EFNB3: variants seen among roughly 807,000 people sequenced by gnomAD.
EFNB3 encodes the protein ephrin-B3.
EFNB3 carries 14 observed loss-of-function variants against 29.8 expected under a neutral mutation model. The observed-to-expected ratio is 0.47, with a 90% confidence interval of 0.31 to 0.73. EFNB3 has a LOEUF of 0.73. Ranked by LOEUF, EFNB3 falls within the 30% of genes least tolerant of loss-of-function variation. The pLI, the probability that EFNB3 is intolerant of heterozygous loss-of-function variation, is 0.05. For synonymous variants in EFNB3, 216 were observed against 191.6 expected (o/e 1.13, Z -1.05); for missense variants, 408 against 458.0 (o/e 0.89, Z 1.00).
intron 1 of EFNB3, among the ~76,000 whole-genome samples, chr17:7,707,395 G>A (rs889787025): frequency 1.1e-4 from 16 of 152,292 alleles, no homozygotes; most frequent in South Asian, 8.3e-4. Context: ...AATGATGGTC[G>A]TGGCCAAACC....
Position 7,709,904 on chromosome 17 carries a change from G to A in EFNB3, c.*328G>A, listed in dbSNP as rs537513542. Reference sequence around the variant, plus strand: ...CCCTCACCCACCCAGAGCTAGGGGCGGGAACAGCCCACCTTTTGGTTGGCA... The same window carrying A: ...CCCTCACCCACCCAGAGCTAGGGGCAGGAACAGCCCACCTTTTGGTTGGCA... On this transcript the variant is annotated 3_prime_UTR_variant, in exon 5 of 5. Transcript: ENST00000226091. The surrounding 1 kb of genome is among the most constrained non-coding windows in gnomAD (Gnocchi z 4.5). 6.5e-5 allele frequency: 29 copies of A among 448,698 alleles called. No individual in the cohort carries two copies. The highest frequency in any genetic ancestry group is 1.0e-4 in the African/African-American group (5 of 48,408). 27.8% of individuals were successfully genotyped at this position (448,698 alleles called of 1,614,324 possible).
Position 7,708,718 on chromosome 17 carries a change from C to T in EFNB3, c.592C>T (p.Pro198Ser), listed in dbSNP as rs1383231466. The T allele has an allele frequency of 6.4e-7, 1 of 1,568,498 alleles. No individual in the cohort carries two copies. Among genetic ancestry groups the T allele is most frequent in the Non-Finnish European group, 8.7e-7 (1 of 1,156,020 alleles). The change falls in exon 4 of 5, where the codon CCT (proline) becomes TCT (serine). Residue 198 changes from proline (P) to serine (S), a missense_variant. By Grantham distance (74) the Pro-to-Ser change is moderately conservative. This residue lies in a region of EFNB3 where 233 missense variants were observed against 230.7 expected (regional missense o/e 1.01). Transcript: ENST00000226091. The surrounding 1 kb of genome is among the most constrained non-coding windows in gnomAD (Gnocchi z 6.8). ...RDRGAAHSLE[P>S]GKENLPGDPT... ...CCGAGGGGCAGCCCACAGCCTGGAGCCTGGGAAGGAGAACCTGCCAGGTAG... is the reference window on the plus strand; with the variant it reads ...CCGAGGGGCAGCCCACAGCCTGGAGTCTGGGAAGGAGAACCTGCCAGGTAG...
chr17:7,709,277 G>A lies in EFNB3; in HGVS notation c.724G>A (p.Val242Met), dbSNP rs750698681. ...GGGGCTGGCGCTGCTCTTGCTGGGC[G>A]TGGCAGGGGCTGGGGGTGCCATGTG... ...AGGLALLLLGVAGAGGAMCWR... is the reference protein window; with the variant it reads ...AGGLALLLLGMAGAGGAMCWR... The change falls in exon 5 of 5, where the codon GTG becomes ATG. Residue 242 changes from valine to methionine, a missense_variant. Around this residue, in one of 3 missense-constraint regions of EFNB3, gnomAD observed 233 missense variants for 230.7 expected, o/e 1.01. Coordinates refer to ENST00000226091, the MANE Select transcript of EFNB3 (RefSeq NM_001406.4). This position sits in a 1 kb window ranked among gnomAD's most constrained non-coding sequence, Gnocchi z 4.5. 3.0e-5 allele frequency: 47 copies of A among 1,583,568 alleles called. No homozygotes were observed. The highest frequency in any genetic ancestry group is 9.5e-5 in the African/African-American group (7 of 73,498).
Position 7,709,288 on chromosome 17 carries a change from TG to T in EFNB3, c.740del (p.Gly247ValfsTer47). On this transcript the variant is annotated frameshift_variant, in exon 5 of 5. Transcript: ENST00000226091. LOFTEE classifies it high-confidence loss of function. This position sits in a 1 kb window ranked among gnomAD's most constrained non-coding sequence, Gnocchi z 4.5. Reference protein sequence around the residue: ...ALLLLGVAGAGGAMCWRRRRA... With the variant: ...ALLLLGVAGAXGAMCWRRRRA... ...TGCTCTTGCTGGGCGTGGCAGGGGC[TG>T]GGGGTGCCATGTGTTGGCGGAGACG... 1 of 1,578,188 alleles carries T rather than the reference TG, an allele frequency of 6.3e-7. No individual in the cohort carries two copies. The highest frequency in any genetic ancestry group is 8.6e-7 in the Non-Finnish European group (1 of 1,165,902).
Position 7,708,711 on chromosome 17 carries a change from C to T in EFNB3, c.585C>T (p.Ser195=), listed in dbSNP as rs1288603585. ...PMERDRGAAH[S]LEPGKENLPG... ...AAAGAGACCGAGGGGCAGCCCACAG[C>T]CTGGAGCCTGGGAAGGAGAACCTGC... Residue 195 remains serine, a synonymous_variant, in exon 4 of 5, where the codon AGC becomes AGT. Coordinates refer to ENST00000226091, the MANE Select transcript of EFNB3 (RefSeq NM_001406.4). This position sits in a 1 kb window ranked among gnomAD's most constrained non-coding sequence, Gnocchi z 6.8. 15 of 1,571,068 alleles carry T rather than the reference C, an allele frequency of 9.5e-6. No homozygotes were observed. Among genetic ancestry groups the T allele is most frequent in the Non-Finnish European group, 1.3e-5 (15 of 1,157,406 alleles).
chr17:7,709,530 A>C lies in EFNB3; in HGVS notation c.977A>C (p.Gln326Pro). Residue 326 changes from glutamine to proline, a missense_variant, in exon 5 of 5, where the codon CAG (glutamine) becomes CCG (proline). Around this residue, in one of 3 missense-constraint regions of EFNB3, gnomAD observed 233 missense variants for 230.7 expected, o/e 1.01. Transcript: ENST00000226091. The surrounding 1 kb of genome is among the most constrained non-coding windows in gnomAD (Gnocchi z 4.5). ...TATGGGCATCCTGTGTATATCGTGC[A>C]GGATGGGCCCCCCCAGAGCCCTCCA... ...GDYGHPVYIVQDGPPQSPPNI... is the reference protein window; with the variant it reads ...GDYGHPVYIVPDGPPQSPPNI... The C allele has an allele frequency of 6.2e-7, 1 of 1,613,944 alleles. No homozygotes were observed. The highest frequency in any genetic ancestry group is 8.5e-7 in the Non-Finnish European group (1 of 1,179,944).
At chr17:7,707,663 G>A (rs549601258) in intron 1 of EFNB3, among the ~76,000 whole-genome samples, 1 of 152,304 alleles carries the variant, frequency 6.6e-6, no homozygotes, top group African/African-American at 2.4e-5. Context: ...CAACGGGGCT[G>A]GTGATGGAGC....
In EFNB3 at chr17:7,710,293, G is replaced by A. The variant is rs2074345353; in HGVS notation, c.*717G>A. 1 of 153,588 alleles carries A rather than the reference G, an allele frequency of 6.5e-6. No individual in the cohort carries two copies. The allele number at this position is 153,588 out of a possible 1,614,324, so 9.5% of individuals were successfully genotyped here. On this transcript the variant is annotated 3_prime_UTR_variant, in exon 5 of 5. Coordinates refer to ENST00000226091, the MANE Select transcript of EFNB3 (RefSeq NM_001406.4). ...TACTCCAGCCATTTGGGGTGGTTGG[G>A]TCATGACAGCTACCATGAGAAGAAG...
At chr17:7,707,891 GA>G in intron 1 of EFNB3, 66 bp from the exon 2 acceptor site, 1 of 1,519,860 alleles carries the variant, frequency 6.6e-7, no homozygotes. Flanking sequence ...TGGGGTGAGG[GA>G]AGGAAAGTTC....
Position 7,705,695 on chromosome 17 carries a change from GTCTACT to G in EFNB3, c.98_103del (p.Val33_Trp35delinsGly). Reference sequence around the variant, plus strand: ...GGTGTCTGGGCTCAGCCTGGAGCCTGTCTACTGGAACTCGGCGAATAAGAGGTGAGT... The same window carrying G: ...GGTGTCTGGGCTCAGCCTGGAGCCTGGGAACTCGGCGAATAAGAGGTGAGT... On this transcript the variant is annotated inframe_deletion, in exon 1 of 5. Coordinates refer to ENST00000226091, the MANE Select transcript of EFNB3 (RefSeq NM_001406.4). This position sits in a 1 kb window ranked among gnomAD's most constrained non-coding sequence, Gnocchi z 5.4. 6.4e-7 allele frequency: 1 copy of G among 1,557,358 alleles called. No individual in the cohort carries two copies. Among genetic ancestry groups the G allele is most frequent in the Non-Finnish European group, 8.6e-7 (1 of 1,158,870 alleles).
In EFNB3 at chr17:7,709,054, G is replaced by A; in HGVS notation, c.614-113G>A. The A allele has an allele frequency of 8.9e-7, 1 of 1,119,550 alleles. No homozygotes were observed. Among genetic ancestry groups the A allele is most frequent in the Non-Finnish European group, 1.3e-6 (1 of 771,232 alleles). 69.4% of individuals were successfully genotyped at this position (1,119,550 alleles called of 1,614,324 possible). A position where few individuals can be genotyped will look rare whatever the true frequency, so the allele number is the denominator to read the frequency against. ...GGGAGGAGAGATGGGGTCCCCAAGGGGCCTGGGCGCTACAAGGGAAGCCCA... is the reference window on the plus strand; with the variant it reads ...GGGAGGAGAGATGGGGTCCCCAAGGAGCCTGGGCGCTACAAGGGAAGCCCA... On this transcript the variant is annotated intron_variant, in intron 4 of 4. Transcript: ENST00000226091. The surrounding 1 kb of genome is among the most constrained non-coding windows in gnomAD (Gnocchi z 4.5).
chr17:7,709,496 A>T lies in EFNB3; in HGVS notation c.943A>T (p.Ser315Cys), dbSNP rs151125738. 61 of 1,613,674 alleles carry T rather than the reference A, an allele frequency of 3.8e-5. No individual in the cohort carries two copies. In the African/African-American group the frequency reaches 7.7e-4, roughly 20 times the overall value. The change falls in exon 5 of 5, where the codon AGT (serine) becomes TGT (cysteine). Residue 315 changes from serine (S) to cysteine (C), a missense_variant. This residue lies in a region of EFNB3 where 233 missense variants were observed against 230.7 expected (regional missense o/e 1.01). Coordinates refer to ENST00000226091, the MANE Select transcript of EFNB3 (RefSeq NM_001406.4). The surrounding 1 kb of genome is among the most constrained non-coding windows in gnomAD (Gnocchi z 4.5). ...PPFCPHYEKV[S>C]GDYGHPVYIV... The stretch of plus-strand genomic sequence containing the variant: ...CTTCTGCCCCCACTATGAGAAGGTG[A>T]GTGGTGACTATGGGCATCCTGTGTA...
At position 7,708,387 on chromosome 17, in the gene EFNB3, G is replaced by A; in HGVS notation, c.416-48G>A. On this transcript the variant is annotated intron_variant, in intron 2 of 4. Transcript: ENST00000226091. The surrounding 1 kb of genome is among the most constrained non-coding windows in gnomAD (Gnocchi z 6.8). Reference sequence around the variant, plus strand: ...CACCAGGGTGTGGGGCCAGAATCAGGGCTAGATTCTGGAGTGCCAACCTCT... The same window carrying A: ...CACCAGGGTGTGGGGCCAGAATCAGAGCTAGATTCTGGAGTGCCAACCTCT... 14 of 1,597,918 alleles carry A rather than the reference G, an allele frequency of 8.8e-6. No homozygotes were observed. The highest frequency in any genetic ancestry group is 1.1e-5 in the Non-Finnish European group (13 of 1,171,794).
At chr17:7,707,885 G>C in intron 1 of EFNB3, 73 bp from the exon 2 acceptor site, 1 of 1,503,466 alleles carries the variant, frequency 6.7e-7, no homozygotes, top group East Asian at 2.3e-5. Flanking sequence ...AGGTTGTGGG[G>C]TGAGGGAAGG....
intron 1 of EFNB3, 37 bp from the exon 2 acceptor site, chr17:7,707,921 C>T (rs754844066): frequency 1.3e-6 from 2 of 1,563,070 alleles, no homozygotes; most frequent in Non-Finnish European, 8.7e-7. Flanking sequence ...AGGCCTCTGA[C>T]ATCTCTTCCT....
Position 7,708,541 on chromosome 17 carries a change from G to A in EFNB3, c.508+14G>A. On this transcript the variant is annotated intron_variant, in intron 3 of 4. Transcript: ENST00000226091. The surrounding 1 kb of genome is among the most constrained non-coding windows in gnomAD (Gnocchi z 6.8). ...GAGTGGGACAAAGTGAGTGGGGCTG[G>A]GGGACACCTCCTGGGCACGAAGGGA... is the stretch of plus-strand genomic sequence containing the variant. 5 of 1,612,204 alleles carry A rather than the reference G, an allele frequency of 3.1e-6. No homozygotes were observed. Among genetic ancestry groups the A allele is most frequent in the Non-Finnish European group, 4.2e-6 (5 of 1,179,200 alleles).
chr17:7,707,390 T>C (rs2074330952), intron 1 of EFNB3, among the ~76,000 whole-genome samples: 1 of 152,222 alleles, frequency 6.6e-6, no homozygotes, highest in Admixed American at 6.5e-5. Flanking sequence ...GCCCCAATGA[T>C]GGTCGTGGCC....
chr17:7,707,489 C>T (rs1034167432), intron 1 of EFNB3, among the ~76,000 whole-genome samples: 7 of 152,192 alleles, frequency 4.6e-5, no homozygotes, highest in South Asian at 2.1e-4. Flanking sequence ...CCTGAACCGC[C>T]GCCCCCTTTG....
intron 1 of EFNB3, among the ~76,000 whole-genome samples, chr17:7,706,600 A>G (rs976117776): frequency 6.6e-6 from 1 of 152,104 alleles, no homozygotes; most frequent in Non-Finnish European, 1.5e-5. Flanking sequence ...GTTTTGAAAA[A>G]TTCCTACTTC....
Sources: allele counts gnomAD v4.1 joint callset (sites outside exome capture counted in the v4.1 genomes callset), GRCh38; gene constraint gnomAD v4.1.1; regional missense constraint gnomAD v4.1.1; non-coding constraint Gnocchi (gnomAD v3.1); transcripts MANE v1.5; gene names NCBI Gene and HGNC (gene_info 2026-07-23, HGNC 2026-07-21).